NTM: variants seen among roughly 807,000 people sequenced by gnomAD.
The protein encoded by NTM is IgLON family member 2.
In NTM, 13 loss-of-function variants were observed where a neutral mutation model predicts 42.1. That is an observed-to-expected ratio of 0.31 (90% CI 0.20 to 0.49). The LOEUF (loss-of-function observed/expected upper bound fraction) is 0.49, where lower values mean the gene tolerates loss of function less well. Ranked by LOEUF, NTM falls within the 20% of genes least tolerant of loss-of-function variation. NTM has a pLI of 0.99. For missense variants in NTM, 373 were observed against 452.8 expected, an observed-to-expected ratio of 0.82 and a Z score of 1.60; for synonymous variants, 187 against 179.2, an observed-to-expected ratio of 1.04 and a Z score of -0.35.
intron 2 of NTM, among the ~76,000 whole-genome samples, chr11:132,103,008 T>G (rs1276594053): frequency 1.3e-5 from 2 of 152,228 alleles, no homozygotes; most frequent in Admixed American, 1.3e-4. Context: ...CCTCAGGGCC[T>G]CAGGGAGCCT....
At chr11:131,776,256 C>T (rs893442949) in intron 1 of NTM, among the ~76,000 whole-genome samples, 4 of 152,196 alleles carry the variant, frequency 2.6e-5, no homozygotes, top group African/African-American at 7.2e-5. Flanking sequence ...GAATCTGTTT[C>T]CAACCTGTGC....
rs4245103 is a variant in NTM at position 132,168,313 on chromosome 11, T to C, written c.400+21799T>C. ...TTCTCCAAATAGCTTGTGAGCCCAG[T>C]TGACCTTGCCTGGATCAGGACAATC... On this transcript the variant is annotated intron_variant, in intron 3 of 8. Coordinates refer to ENST00000683400, the MANE Select transcript of NTM (RefSeq NM_001352005.2). Among the ~76,000 whole-genome samples the C allele has an allele frequency of 1.1e-3, 165 of 152,098 alleles. 1 individual carries two copies. Among genetic ancestry groups the C allele is most frequent in the African/African-American group, 3.8e-3 (156 of 41,462 alleles).
At chr11:131,569,702 T>A (rs968686354) in intron 1 of NTM, among the ~76,000 whole-genome samples, 20 of 150,786 alleles carry the variant, frequency 1.3e-4, no homozygotes, top group African/African-American at 4.9e-4. Flanking sequence ...CTCAGCCACC[T>A]GAGAGCTGGG....
At chr11:131,506,881 G>A (rs536288205) in intron 1 of NTM, among the ~76,000 whole-genome samples, 39 of 152,260 alleles carry the variant, frequency 2.6e-4, no homozygotes, top group South Asian at 6.2e-4. Flanking sequence ...AAAAACTCAC[G>A]GTAGATATTA....
intron 2 of NTM, among the ~76,000 whole-genome samples, chr11:132,009,321 C>T (rs139237729): frequency 1.7e-3 from 252 of 152,250 alleles, no homozygotes; most frequent in African/African-American, 5.3e-3. Flanking sequence ...ACCTGGCTGT[C>T]TTTAAGCTGG....
chr11:131,682,175 C>T (rs1592529455), intron 1 of NTM, among the ~76,000 whole-genome samples: 1 of 152,172 alleles, frequency 6.6e-6, no homozygotes, highest in Non-Finnish European at 1.5e-5. Context: ...CCTGCAAGGT[C>T]TCACCCGTTC....
At chr11:131,583,172 C>A (rs576616342) in intron 1 of NTM, among the ~76,000 whole-genome samples, 31 of 152,262 alleles carry the variant, frequency 2.0e-4, no homozygotes, top group South Asian at 1.7e-3. Context: ...GTTCCATGTT[C>A]TTCCAATTGG....
chr11:132,163,893 T>G (rs1206856770), intron 3 of NTM, among the ~76,000 whole-genome samples: 22 of 146,666 alleles, frequency 1.5e-4, no homozygotes, highest in Admixed American at 1.5e-3. Flanking sequence ...GGTGTCTTTG[T>G]TTTTTTTTTT....
intron 4 of NTM, among the ~76,000 whole-genome samples, chr11:132,297,940 A>C (rs2094685875): frequency 6.6e-6 from 1 of 152,204 alleles, no homozygotes; most frequent in Non-Finnish European, 1.5e-5. Context: ...CACAATTCTC[A>C]GATTAAGAAC....
At chr11:131,592,647 AACACACACACACACACACACACAC>A (rs3040142) in intron 1 of NTM, among the ~76,000 whole-genome samples, 2 of 140,688 alleles carry the variant, frequency 1.4e-5, no homozygotes, top group African/African-American at 5.3e-5. Flanking sequence ...ACACACCCCA[AACACACACACACACACACACACAC>A]ACACACACAC....
chr11:131,803,071 G>A (rs1365055772), intron 1 of NTM, among the ~76,000 whole-genome samples: 3 of 152,168 alleles, frequency 2.0e-5, no homozygotes, highest in Non-Finnish European at 4.4e-5. Context: ...ACTTCACAGA[G>A]CTGTGAGGTA....
chr11:131,738,844 G>T (rs539904763), intron 1 of NTM, among the ~76,000 whole-genome samples: 1 of 152,186 alleles, frequency 6.6e-6, no homozygotes, highest in Non-Finnish European at 1.5e-5. Flanking sequence ...TGATTTGTAC[G>T]TGGAGAGAGG....
At chr11:131,554,558 A>C (rs1327697542) in intron 1 of NTM, among the ~76,000 whole-genome samples, 1 of 151,948 alleles carries the variant, frequency 6.6e-6, no homozygotes, top group East Asian at 1.9e-4. Flanking sequence ...AAAAAAAAAA[A>C]AACTCATGGG....
rs1392509758 is a variant in NTM, at chr11:132,212,157, C to T, written c.526+10C>T. 8 of 1,606,762 alleles carry T rather than the reference C, an allele frequency of 5.0e-6. No homozygotes were observed. The highest frequency in any genetic ancestry group is 3.4e-5 in the Admixed American group (2 of 58,518). On this transcript the variant is annotated intron_variant, in intron 4 of 8. Transcript: ENST00000683400. ...CACATCTCTCCCAAAGGTAAGAGAA[C>T]AGTTTGTTGCATTGCATCATGAGGA...
intron 2 of NTM, among the ~76,000 whole-genome samples, chr11:132,021,316 G>T (rs968639985): frequency 1.3e-5 from 2 of 151,690 alleles, no homozygotes; most frequent in African/African-American, 2.4e-5. Context: ...GTTTTCTTTA[G>T]TTTTTTAAAC....
At chr11:131,670,715 TC>T (rs964136662) in intron 1 of NTM, among the ~76,000 whole-genome samples, 19 of 152,172 alleles carry the variant, frequency 1.2e-4, no homozygotes, top group African/African-American at 4.6e-4. Context: ...CACTTGCTCC[TC>T]TACCCCACTG....
chr11:131,466,051 T>G (rs1951851817), intron 1 of NTM, among the ~76,000 whole-genome samples: 1 of 152,226 alleles, frequency 6.6e-6, no homozygotes, highest in Non-Finnish European at 1.5e-5. Flanking sequence ...TACAAGCTTT[T>G]GCCCAAAGCC....
intron 1 of NTM, among the ~76,000 whole-genome samples, chr11:131,659,206 G>T (rs1415692327): frequency 2.0e-5 from 3 of 152,216 alleles, no homozygotes; most frequent in African/African-American, 7.2e-5. Context: ...GAGGCCAAGT[G>T]ATCTCTTCTC....
chr11:131,932,421 A>G (rs911869044), intron 2 of NTM, among the ~76,000 whole-genome samples: 11 of 152,328 alleles, frequency 7.2e-5, no homozygotes, highest in African/African-American at 2.4e-4. Context: ...GGTAAAGACC[A>G]CAGTTTATTG....
Sources: allele counts gnomAD v4.1 joint callset (sites outside exome capture counted in the v4.1 genomes callset), GRCh38; gene constraint gnomAD v4.1.1; transcripts MANE v1.5; gene names NCBI Gene and HGNC (gene_info 2026-07-23, HGNC 2026-07-21).